Variants in ATP9A observed in about 807,000 individuals in gnomAD.
ATP9A encodes probable phospholipid-transporting ATPase IIA.
Under a neutral mutation model 144.1 loss-of-function variants are expected in ATP9A, and 52 were observed. That is an observed-to-expected ratio of 0.36 (90% CI 0.29 to 0.45). ATP9A has a LOEUF of 0.45. Ranked by LOEUF, ATP9A falls within the 20% of genes least tolerant of loss-of-function variation. ATP9A has a pLI of 1.00. For synonymous variants in ATP9A, 582 were observed against 557.4 expected, an observed-to-expected ratio of 1.04 and a Z score of -0.62; for missense variants, 947 against 1,392.7, an observed-to-expected ratio of 0.68 and a Z score of 5.09.
rs1351620779 is a variant in ATP9A at position 51,658,342 on chromosome 20, T to A, written c.1294-1192A>T. Among the ~76,000 whole-genome samples the A allele has an allele frequency of 2.0e-5, 3 of 152,110 alleles. No individual in the cohort carries two copies. In the East Asian group the frequency reaches 5.8e-4, roughly 30 times the overall value. On this transcript the variant is annotated intron_variant, in intron 13 of 27. Coordinates refer to ENST00000338821, the MANE Select transcript of ATP9A (RefSeq NM_006045.3). ...GGTGTGGTGGCACTGTAATCCCAGC[T>A]ACTCGGGAGGCTGAGGCAGGAGAGG...
In ATP9A at chr20:51,761,755, G is replaced by A. The variant is rs1200486822; in HGVS notation, c.68+6547C>T. ...AGCCTGGGCGACAGAGCGAGACTCC[G>A]CCTCAAAAAAAAAAAAAAATTAGCA... On this transcript the variant is annotated intron_variant, in intron 1 of 27. Coordinates refer to ENST00000338821, the MANE Select transcript of ATP9A (RefSeq NM_006045.3). Among the ~76,000 whole-genome samples, 11 of 148,248 alleles carry A rather than the reference G, an allele frequency of 7.4e-5. No homozygotes were observed. The South Asian group carries it at 1.3e-3, about 17-fold the overall frequency.
intron 1 of ATP9A, among the ~76,000 whole-genome samples, chr20:51,760,785 G>T (rs2077876941): frequency 6.6e-6 from 1 of 151,564 alleles, no homozygotes; most frequent in Admixed American, 6.6e-5. Flanking sequence ...AACACTTTGG[G>T]AGGCCGAGGC....
At chr20:51,713,098 T>G in intron 3 of ATP9A, 24 bp from the exon 4 acceptor site, 1 of 1,590,028 alleles carries the variant, frequency 6.3e-7, no homozygotes, top group Non-Finnish European at 8.6e-7. Context: ...CGACAGTGAG[T>G]CTTGCTACAG....
intron 14 of ATP9A, among the ~76,000 whole-genome samples, chr20:51,646,563 G>A (rs142310710): frequency 1.2e-3 from 189 of 152,316 alleles, no homozygotes; most frequent in African/African-American, 4.3e-3. Context: ...GCCGACAGGC[G>A]TTGGGAGAGA....
At chr20:51,763,353 C>T (rs551674060) in intron 1 of ATP9A, among the ~76,000 whole-genome samples, 7 of 150,048 alleles carry the variant, frequency 4.7e-5, no homozygotes, top group Admixed American at 4.0e-4. Context: ...CGCTGTGTCG[C>T]CCAGGCTACA....
At chr20:51,686,231 G>A (rs533509673) in intron 9 of ATP9A, among the ~76,000 whole-genome samples, 182 of 152,194 alleles carry the variant, frequency 1.2e-3, no homozygotes, top group African/African-American at 4.3e-3. Flanking sequence ...TGGGGGAGTG[G>A]GGAGGGATAG....
At chr20:51,671,279 A>AT (rs1273078771) in intron 11 of ATP9A, 22 bp from the exon 12 acceptor site, 2 of 1,608,578 alleles carry the variant, frequency 1.2e-6, no homozygotes, top group Non-Finnish European at 1.7e-6. Flanking sequence ...ACCAGAGCAA[A>AT]CAGGCTAACA....
chr20:51,628,202 T>G (rs370014952), intron 16 of ATP9A, among the ~76,000 whole-genome samples: 1 of 152,188 alleles, frequency 6.6e-6, no homozygotes, highest in African/African-American at 2.4e-5. Context: ...CATTTGAGTT[T>G]GCAACCCTCA....
rs563424165 is a variant in ATP9A at position 51,676,158 on chromosome 20, T to C, written c.850A>G (p.Met284Val). The change falls in exon 10 of 28, where the codon ATG becomes GTG. Residue 284 changes from methionine to valine, a missense_variant. By Grantham distance (21) the Met-to-Val change is conservative. Around this residue, in one of 2 missense-constraint regions of ATP9A, gnomAD observed 770 missense variants for 1,047.9 expected, o/e 0.73. Coordinates refer to ENST00000338821, the MANE Select transcript of ATP9A (RefSeq NM_006045.3). Reference sequence around the variant, plus strand: ...TTACTTCGGGGATTTGAGGTATTCATGACACTCCGGAGTTCTCTGCCAGTG... The same window carrying C: ...TTACTTCGGGGATTTGAGGTATTCACGACACTCCGGAGTTCTCTGCCAGTG... ...LYTGRELRSV[M>V]NTSNPRSKIG... The C allele has an allele frequency of 1.9e-6, 3 of 1,611,972 alleles. No individual in the cohort carries two copies. The highest frequency in any genetic ancestry group is 1.7e-6 in the Non-Finnish European group (2 of 1,179,622).
chr20:51,668,214 T>G (rs2077441986), intron 13 of ATP9A, among the ~76,000 whole-genome samples: 2 of 140,870 alleles, frequency 1.4e-5, no homozygotes, highest in Non-Finnish European at 3.1e-5. Flanking sequence ...GATCTAGTGA[T>G]CGGGTGGGAG....
At chr20:51,626,976 G>A (rs2077251495) in intron 17 of ATP9A, among the ~76,000 whole-genome samples, 1 of 150,410 alleles carries the variant, frequency 6.6e-6, no homozygotes. Flanking sequence ...AGGATCCCTT[G>A]AACCTGGGAG....
rs1474304875 is a variant in ATP9A at position 51,725,861 on chromosome 20, G to A, written c.285C>T (p.Pro95=). The A allele has an allele frequency of 3.7e-6, 6 of 1,613,532 alleles. No homozygotes were observed. In the African/African-American group the frequency reaches 4.0e-5, roughly 11 times the overall value. ...FLLLACSQFV[P]EMRLGALYTY... is the part of the protein sequence containing the mutation. ...TATAGAGTGCACCAAGTCTCATTTC[G>A]GGAACAAACTGAGAGCAGGCAAGAA... The change falls in exon 3 of 28, where the codon CCC becomes CCT. Residue 95 remains proline, a synonymous_variant. Coordinates refer to ENST00000338821, the MANE Select transcript of ATP9A (RefSeq NM_006045.3).
In ATP9A at chr20:51,681,427, C is replaced by CTT. The variant is rs66579534; in HGVS notation, c.800-5221_800-5220dup. ...TTCCTCTATAGCCCATCCTAAATTT[C>CTT]TTTTTTTTTTTTTTTGAGGAGTCTC... is the stretch of plus-strand genomic sequence containing the variant. On this transcript the variant is annotated intron_variant, in intron 9 of 27. Coordinates refer to ENST00000338821, the MANE Select transcript of ATP9A (RefSeq NM_006045.3). Among the ~76,000 whole-genome samples the CTT allele has an allele frequency of 4.6e-3, 599 of 131,592 alleles. 15 individuals carry two copies. Among genetic ancestry groups the CTT allele is most frequent in the African/African-American group, 0.013 (455 of 34,242 alleles). The allele number at this position is 131,592 out of a possible 152,430, so 86.3% of individuals were successfully genotyped here.
In ATP9A at chr20:51,642,726, C is replaced by CAAAAAAAAAAAAAAAAA. The variant is rs778440862; in HGVS notation, c.1507-3239_1507-3223dup. Among the ~76,000 whole-genome samples, 33 of 31,134 alleles carry CAAAAAAAAAAAAAAAAA rather than the reference C, an allele frequency of 1.1e-3. 3 individuals carry two copies. The highest frequency in any genetic ancestry group is 1.9e-3 in the Non-Finnish European group (25 of 13,444). The allele number at this position is 31,134 out of a possible 152,430, so 20.4% of individuals were successfully genotyped here. On this transcript the variant is annotated intron_variant, in intron 14 of 27. Coordinates refer to ENST00000338821, the MANE Select transcript of ATP9A (RefSeq NM_006045.3). The stretch of plus-strand genomic sequence containing the variant: ...GGGTGACTGAGTGAGACTCTGTCTC[C>CAAAAAAAAAAAAAAAAA]AAAAAAAAAAAAAAAAAAAAAAAAA...
chr20:51,636,762 T>C (rs567553723), intron 15 of ATP9A, among the ~76,000 whole-genome samples: 1 of 151,596 alleles, frequency 6.6e-6, no homozygotes, highest in Non-Finnish European at 1.5e-5. Flanking sequence ...CACATGGTTA[T>C]GTATTAAATG....
intron 14 of ATP9A, among the ~76,000 whole-genome samples, chr20:51,644,775 A>G (rs1349318706): frequency 2.1e-5 from 3 of 145,530 alleles, no homozygotes; most frequent in African/African-American, 2.5e-5. Flanking sequence ...TTCTTCAGGT[A>G]CTTTCAAACA....
At chr20:51,719,271 G>A (rs1007323798) in intron 3 of ATP9A, among the ~76,000 whole-genome samples, 1 of 152,078 alleles carries the variant, frequency 6.6e-6, no homozygotes, top group Non-Finnish European at 1.5e-5. Context: ...GAGCAGAGAG[G>A]ACAAGGGACA....
intron 9 of ATP9A, among the ~76,000 whole-genome samples, chr20:51,682,668 T>G (rs2077505408): frequency 7.1e-6 from 1 of 141,134 alleles, no homozygotes; most frequent in African/African-American, 2.6e-5. Flanking sequence ...CTTGGCTCAC[T>G]GCAACTTCTG....
At chr20:51,679,851 T>C (rs2122800286) in intron 9 of ATP9A, among the ~76,000 whole-genome samples, 1 of 152,338 alleles carries the variant, frequency 6.6e-6, no homozygotes, top group Admixed American at 6.5e-5. Flanking sequence ...GAAATTTTTA[T>C]AGCAATTAAG....
Sources: allele counts gnomAD v4.1 joint callset (sites outside exome capture counted in the v4.1 genomes callset), GRCh38; gene constraint gnomAD v4.1.1; regional missense constraint gnomAD v4.1.1; transcripts MANE v1.5; gene names NCBI Gene and HGNC (gene_info 2026-07-23, HGNC 2026-07-21).